The following RHBDD1 variants were observed in gnomAD, a reference collection of about 807,000 sequenced individuals.
RHBDD1 encodes the protein rhomboid domain containing 1.
Under a neutral mutation model 36.3 loss-of-function variants are expected in RHBDD1, and 38 were observed. The ratio of observed to expected loss-of-function variants is 1.05; its 90% CI spans 0.81 to 1.37. The LOEUF (loss-of-function observed/expected upper bound fraction) is 1.37. Ranked by LOEUF, RHBDD1 falls within the 40% of genes most tolerant of loss-of-function variation. The pLI is 0.00. For synonymous variants in RHBDD1, 151 were observed against 136.5 expected (o/e 1.11, Z -0.74); for missense variants, 393 against 377.6 (o/e 1.04, Z -0.34).
chr2:226,947,793 G>A (rs1376653073), intron 8 of RHBDD1, among the ~76,000 whole-genome samples: 1 of 152,124 alleles, frequency 6.6e-6, no homozygotes, highest in Non-Finnish European at 1.5e-5. Flanking sequence ...GGACATTTAT[G>A]CAGCCAAAAA....
At chr2:226,985,169 A>C (rs182740508) in intron 8 of RHBDD1, among the ~76,000 whole-genome samples, 1 of 152,306 alleles carries the variant, frequency 6.6e-6, no homozygotes, top group East Asian at 1.9e-4. Flanking sequence ...CAAAGCACTC[A>C]CTAACACGAG....
At chr2:226,960,600 T>C (rs977167233) in intron 8 of RHBDD1, among the ~76,000 whole-genome samples, 1 of 152,238 alleles carries the variant, frequency 6.6e-6, no homozygotes. Flanking sequence ...TTTTAAGGTG[T>C]GGCCTGATTT....
In RHBDD1 at chr2:226,864,777, A is replaced by G. The variant is rs1199614123; in HGVS notation, c.84A>G (p.Pro28=). 2 of 1,614,072 alleles carry G rather than the reference A, an allele frequency of 1.2e-6. No individual in the cohort carries two copies. Among genetic ancestry groups the G allele is most frequent in the Non-Finnish European group, 1.7e-6 (2 of 1,179,988 alleles). ...QIFHVGINNI[P]PVTLATLALN... ...TCCATGTTGGGATCAACAATATTCCACCTGTCACCCTAGCAACTTTGGCCC... is the reference window on the plus strand; with the variant it reads ...TCCATGTTGGGATCAACAATATTCCGCCTGTCACCCTAGCAACTTTGGCCC... The change falls in exon 4 of 9, where the codon CCA becomes CCG. Residue 28 remains proline, a synonymous_variant. Transcript: ENST00000392062.
chr2:226,873,012 T>G (rs1944914583), intron 5 of RHBDD1, among the ~76,000 whole-genome samples: 1 of 152,158 alleles, frequency 6.6e-6, no homozygotes, highest in Non-Finnish European at 1.5e-5. Flanking sequence ...CTTCTTACAG[T>G]TTTACATGCT....
intron 5 of RHBDD1, among the ~76,000 whole-genome samples, chr2:226,906,317 C>T (rs1033217589): frequency 2.0e-5 from 3 of 152,314 alleles, no homozygotes; most frequent in African/African-American, 7.2e-5. Context: ...TGCTGAGTTT[C>T]ACTTGCTCTC....
At chr2:226,827,858 G>GT in the RHBDD1 span, among the ~76,000 whole-genome samples, 1 of 152,208 alleles carries the variant, frequency 6.6e-6, no homozygotes, top group Admixed American at 6.5e-5. Context: ...ATGTGGATGG[G>GT]TAGGGCCTGG....
At chr2:226,871,548 A>C (rs1306635795) in intron 5 of RHBDD1, among the ~76,000 whole-genome samples, 3 of 152,154 alleles carry the variant, frequency 2.0e-5, no homozygotes, top group Non-Finnish European at 2.9e-5. Flanking sequence ...GTATTTATTT[A>C]TTCTTGTATT....
chr2:226,858,360 G>A (rs1293850933), intron 3 of RHBDD1, among the ~76,000 whole-genome samples: 1 of 152,114 alleles, frequency 6.6e-6, no homozygotes, highest in African/African-American at 2.4e-5. Context: ...GAATAATTTT[G>A]GAATTTGTTA....
chr2:226,865,835 A>G (rs1559210124), intron 4 of RHBDD1, among the ~76,000 whole-genome samples: 1 of 152,284 alleles, frequency 6.6e-6, no homozygotes, highest in East Asian at 1.9e-4. Flanking sequence ...GCACATTTCC[A>G]TAGTTATTCT....
At chr2:226,846,717 A>G (rs1942258454) in intron 3 of RHBDD1, among the ~76,000 whole-genome samples, 2 of 150,372 alleles carry the variant, frequency 1.3e-5, no homozygotes, top group Non-Finnish European at 3.0e-5. Context: ...ATTGCACTCC[A>G]GCCTGGGCAA....
At chr2:226,948,060 T>A (rs1217718801) in intron 8 of RHBDD1, among the ~76,000 whole-genome samples, 1 of 151,918 alleles carries the variant, frequency 6.6e-6, no homozygotes, top group Admixed American at 6.6e-5. Flanking sequence ...AGCCATCCCA[T>A]TACTGGGTAT....
chr2:226,839,677 G>T (rs1941396660), intron 3 of RHBDD1, 50 bp downstream of exon 3: 1 of 151,902 alleles, frequency 6.6e-6, no homozygotes, highest in Admixed American at 6.6e-5. Context: ...AAGGTTGTCA[G>T]CCATGTCACC....
chr2:226,804,826 A>G, the RHBDD1 span: 60,971 of 151,974 alleles, frequency 0.4, 17,114 homozygotes, highest in African/African-American at 0.81. Flanking sequence ...TGATTTGGGG[A>G]GTGGTGAAGA....
At chr2:226,913,306 A>G (rs1372612119) in intron 7 of RHBDD1, among the ~76,000 whole-genome samples, 2 of 152,198 alleles carry the variant, frequency 1.3e-5, no homozygotes, top group African/African-American at 4.8e-5. Flanking sequence ...TGAAACATCA[A>G]CTTCAAAGAA....
chr2:226,943,541 A>G (rs1391598612), intron 8 of RHBDD1, among the ~76,000 whole-genome samples: 2 of 152,204 alleles, frequency 1.3e-5, no homozygotes, highest in South Asian at 2.1e-4. Flanking sequence ...GCCCATGGAC[A>G]TTACAGGAGA....
Position 226,850,077 on chromosome 2 carries a change from G to A in RHBDD1, c.-91+10450G>A, listed in dbSNP as rs74771082. Among the ~76,000 whole-genome samples, 928 of 152,258 alleles carry A rather than the reference G, an allele frequency of 6.1e-3. 9 individuals are homozygous for A. Among genetic ancestry groups the A allele is most frequent in the African/African-American group, 0.021 (877 of 41,542 alleles). On this transcript the variant is annotated intron_variant, in intron 3 of 8. Coordinates refer to ENST00000392062, the MANE Select transcript of RHBDD1 (RefSeq NM_001167608.3). ...AATGCACAATAATAATATCAACAAC[G>A]AAGGGCTGCATTTGTTAAGGACGTG...
intron 5 of RHBDD1, among the ~76,000 whole-genome samples, chr2:226,895,102 A>C (rs1021037668): frequency 6.6e-6 from 1 of 152,200 alleles, no homozygotes. Flanking sequence ...TCTTGCTTGC[A>C]TTTTATTGTA....
chr2:226,905,946 C>T (rs1165066635), intron 5 of RHBDD1, among the ~76,000 whole-genome samples: 1 of 151,974 alleles, frequency 6.6e-6, no homozygotes, highest in African/African-American at 2.4e-5. Flanking sequence ...AGGTCAAGTG[C>T]TTAAAGAACA....
At chr2:226,908,675 C>A (rs1035125227) in intron 6 of RHBDD1, 147 bp from the exon 7 acceptor site, 6 of 658,090 alleles carry the variant, frequency 9.1e-6, no homozygotes, top group East Asian at 2.7e-5. Context: ...GGCTGGCCCC[C>A]AAACAAAAGG....
Sources: allele counts gnomAD v4.1 joint callset (sites outside exome capture counted in the v4.1 genomes callset), GRCh38; gene constraint gnomAD v4.1.1; transcripts MANE v1.5; gene names NCBI Gene and HGNC (gene_info 2026-07-23, HGNC 2026-07-21).